Variants in HINT3 observed in about 807,000 individuals in gnomAD.
HINT3 encodes histidine triad nucleotide binding protein 3.
HINT3 carries 16 observed loss-of-function variants against 19.1 expected under a neutral mutation model. That is an observed-to-expected ratio of 0.84 (90% CI 0.57 to 1.27). HINT3 has a LOEUF of 1.27. HINT3 is among the 50% of genes most tolerant of loss of function. The probability of loss-of-function intolerance (pLI) is 0.00; values close to 1 mark genes in which losing one functional copy is unlikely to be tolerated. For synonymous variants in HINT3, 75 were observed against 84.8 expected, an observed-to-expected ratio of 0.88 and a Z score of 0.63; for missense variants, 197 against 225.8, an observed-to-expected ratio of 0.87 and a Z score of 0.82.
At chr6:125,974,051 G>A (rs1414158996) in intron 3 of HINT3, among the ~76,000 whole-genome samples, 1 of 152,090 alleles carries the variant, frequency 6.6e-6, no homozygotes. Flanking sequence ...AGTCCCAGAG[G>A]ATCACTGCTG....
At chr6:125,965,906 A>G (rs1466565170) in intron 1 of HINT3, among the ~76,000 whole-genome samples, 1 of 152,224 alleles carries the variant, frequency 6.6e-6, no homozygotes, top group Non-Finnish European at 1.5e-5. Flanking sequence ...AAATTGATAT[A>G]TAATTATCAT....
intron 3 of HINT3, among the ~76,000 whole-genome samples, chr6:125,973,964 A>G (rs1789145487): frequency 6.6e-6 from 1 of 152,212 alleles, no homozygotes; most frequent in Non-Finnish European, 1.5e-5. Context: ...TGTTTGGCAG[A>G]AGGAAAACCT....
chr6:125,966,059 T>A (rs957347798), intron 1 of HINT3, among the ~76,000 whole-genome samples: 1 of 152,182 alleles, frequency 6.6e-6, no homozygotes, highest in African/African-American at 2.4e-5. Context: ...TTACACTGAT[T>A]TTAATTAATT....
At chr6:125,972,858 T>C (rs1789128032) in intron 3 of HINT3, among the ~76,000 whole-genome samples, 1 of 151,996 alleles carries the variant, frequency 6.6e-6, no homozygotes, top group African/African-American at 2.4e-5. Context: ...ACACAAGTTC[T>C]GGGATTACAG....
chr6:125,971,893 G>A (rs1789106545), intron 2 of HINT3, among the ~76,000 whole-genome samples: 1 of 151,690 alleles, frequency 6.6e-6, no homozygotes, highest in African/African-American at 2.4e-5. Flanking sequence ...TTGTATTTTA[G>A]TTGAGATGGG....
At chr6:125,960,656 G>GC (rs1554209594) in intron 1 of HINT3, among the ~76,000 whole-genome samples, 2 of 69,348 alleles carry the variant, frequency 2.9e-5, no homozygotes, top group Admixed American at 1.8e-4. Context: ...GACTCTCTCT[G>GC]GGGGGGGGGA....
chr6:125,975,886 A>T (rs1789172549), intron 4 of HINT3, among the ~76,000 whole-genome samples: 1 of 152,068 alleles, frequency 6.6e-6, no homozygotes, highest in South Asian at 2.1e-4. Flanking sequence ...TGAAGTTTTG[A>T]GTCTAAAAAA....
chr6:125,966,950 C>T lies in HINT3; in HGVS notation c.265C>T (p.Pro89Ser). Residue 89 changes from proline to serine, a missense_variant, in exon 2 of 5, where the codon CCA becomes TCA. Pro to Ser is a moderately conservative substitution (Grantham distance 74, BLOSUM62 -1). Coordinates refer to ENST00000229633, the MANE Select transcript of HINT3 (RefSeq NM_138571.5). The stretch of plus-strand genomic sequence containing the variant: ...AGCAACTCATCATTATCTTGTGGTG[C>T]CAAAGAAGCATATTGGAAACTGCAG... ...PAATHHYLVV[P>S]KKHIGNCRTL... The T allele has an allele frequency of 6.2e-7, 1 of 1,612,740 alleles. No individual in the cohort carries two copies. Among genetic ancestry groups the T allele is most frequent in the Non-Finnish European group, 8.5e-7 (1 of 1,179,396 alleles).
Position 125,962,293 on chromosome 6 carries a change from T to C in HINT3, c.202-4594T>C, listed in dbSNP as rs1338928748. 4.7e-4 allele frequency among the ~76,000 whole-genome samples: 17 copies of C among 36,068 alleles called. 2 individuals carry two copies. Among genetic ancestry groups the C allele is most frequent in the African/African-American group, 2.5e-3 (14 of 5,684 alleles). 23.7% of individuals were successfully genotyped at this position (36,068 alleles called of 152,430 possible). ...ATACATACATATATATATACACATATATATATATATATATCACACATATAT... is the reference window on the plus strand; with the variant it reads ...ATACATACATATATATATACACATACATATATATATATATCACACATATAT... On this transcript the variant is annotated intron_variant, in intron 1 of 4. Transcript: ENST00000229633.
At chr6:125,962,213 C>CATATATATATATATATATATACACATAT (rs1788942698) in intron 1 of HINT3, among the ~76,000 whole-genome samples, 10 of 36,318 alleles carry the variant, frequency 2.8e-4, no homozygotes, top group African/African-American at 2.8e-4. Context: ...TATATATACA[C>CATATATATATATATATATATACACATAT]ATATATATAT....
At chr6:125,972,003 G>A (rs559441443) in intron 2 of HINT3, among the ~76,000 whole-genome samples, 5 of 152,176 alleles carry the variant, frequency 3.3e-5, no homozygotes, top group East Asian at 1.9e-4. Context: ...GAGCCACTGC[G>A]CCTGGCCACC....
intron 1 of HINT3, among the ~76,000 whole-genome samples, chr6:125,963,762 A>G (rs1788978482): frequency 6.6e-6 from 1 of 152,238 alleles, no homozygotes; most frequent in Non-Finnish European, 1.5e-5. Flanking sequence ...GGGGGCAATC[A>G]GAAAACATCT....
intron 3 of HINT3, 47 bp from the exon 4 acceptor site, chr6:125,974,798 CTT>C: frequency 6.3e-7 from 1 of 1,584,094 alleles, no homozygotes; most frequent in East Asian, 2.3e-5. Context: ...TGAAAAATGA[CTT>C]TATTTTAGAA....
intron 2 of HINT3, among the ~76,000 whole-genome samples, chr6:125,969,911 G>A (rs138730634): frequency 1.6e-3 from 247 of 152,196 alleles, no homozygotes; most frequent in Middle Eastern, 6.8e-3. Context: ...TTCTAGGTAT[G>A]GACTCAGATT....
At position 125,956,861 on chromosome 6, in the gene HINT3, A is replaced by G; in HGVS notation, c.-117A>G. 2.9e-6 allele frequency: 3 copies of G among 1,047,568 alleles called. No individual in the cohort carries two copies. Among genetic ancestry groups the G allele is most frequent in the South Asian group, 1.5e-5 (1 of 64,708 alleles). 64.9% of individuals were successfully genotyped at this position (1,047,568 alleles called of 1,614,324 possible). On this transcript the variant is annotated 5_prime_UTR_variant, in exon 1 of 5. Coordinates refer to ENST00000229633, the MANE Select transcript of HINT3 (RefSeq NM_138571.5). ...CTCCCCAAAGCCTGGATCACCGCCC[A>G]GCGTCAGGCGAGGGGCGACGTCTCG...
chr6:125,961,615 A>G (rs1788927702), intron 1 of HINT3, among the ~76,000 whole-genome samples: 1 of 152,202 alleles, frequency 6.6e-6, no homozygotes, highest in South Asian at 2.1e-4. Context: ...ATACCAAAGG[A>G]TGCTGCTGAA....
At chr6:125,958,548 A>T (rs540701921) in intron 1 of HINT3, among the ~76,000 whole-genome samples, 1 of 152,210 alleles carries the variant, frequency 6.6e-6, no homozygotes, top group African/African-American at 2.4e-5. Flanking sequence ...TACCCTGATG[A>T]TGGCCTGAAA....
chr6:125,968,314 G>A (rs139028521), intron 2 of HINT3, among the ~76,000 whole-genome samples: 2 of 152,286 alleles, frequency 1.3e-5, no homozygotes, highest in East Asian at 3.9e-4. Flanking sequence ...GCCACCAGCT[G>A]CATCCATGCT....
intron 1 of HINT3, among the ~76,000 whole-genome samples, chr6:125,964,418 T>G (rs1788987986): frequency 6.6e-6 from 1 of 152,036 alleles, no homozygotes; most frequent in South Asian, 2.1e-4. Context: ...TAAGAAACTT[T>G]TAAAAACTTT....
Sources: allele counts gnomAD v4.1 joint callset (sites outside exome capture counted in the v4.1 genomes callset), GRCh38; gene constraint gnomAD v4.1.1; transcripts MANE v1.5; gene names NCBI Gene and HGNC (gene_info 2026-07-23, HGNC 2026-07-21).